The following MCCC2 variants were observed in gnomAD, a reference collection of about 807,000 sequenced individuals.
MCCC2 encodes methylcrotonoyl-CoA carboxylase beta chain, mitochondrial.
MCCC2 carries 52 observed loss-of-function variants against 77.2 expected under a neutral mutation model. That is an observed-to-expected ratio of 0.67 (90% CI 0.54 to 0.85). The LOEUF (loss-of-function observed/expected upper bound fraction) is 0.85. Ranked by LOEUF, MCCC2 falls within the 40% of genes least tolerant of loss-of-function variation. The pLI is 0.00. For missense variants in MCCC2, 682 were observed against 703.2 expected, an observed-to-expected ratio of 0.97 and a Z score of 0.34; for synonymous variants, 253 against 248.4, an observed-to-expected ratio of 1.02 and a Z score of -0.18.
intron 8 of MCCC2, among the ~76,000 whole-genome samples, chr5:71,633,186 ACTC>A (rs1746802057): frequency 1.4e-5 from 2 of 138,732 alleles, no homozygotes; most frequent in South Asian, 4.5e-4. Flanking sequence ...TTGGTTTAAA[ACTC>A]CTTGCCTCAA....
intron 12 of MCCC2, 103 bp from the exon 13 acceptor site, chr5:71,646,108 G>A (rs2112463488): frequency 1.0e-6 from 1 of 962,124 alleles, no homozygotes; most frequent in Non-Finnish European, 1.6e-6. Context: ...TTAAAGGGGA[G>A]TATTCTTTCT....
At position 71,607,092 on chromosome 5, in the gene MCCC2, A is replaced by C. The variant is rs933698606; in HGVS notation, c.624+2624A>C. On this transcript the variant is annotated intron_variant, in intron 6 of 16. Coordinates refer to ENST00000340941, the MANE Select transcript of MCCC2 (RefSeq NM_022132.5). ...GTATCAGAATGATGCTGGCCTCATA[A>C]AATGAGTTAGGGAGGATTCCCTCTT... Among the ~76,000 whole-genome samples, 377 of 152,016 alleles carry C rather than the reference A, an allele frequency of 2.5e-3. 2 individuals are homozygous for C. Among genetic ancestry groups the C allele is most frequent in the African/African-American group, 8.1e-3 (337 of 41,468 alleles).
chr5:71,640,001 A>G (rs527582911), intron 10 of MCCC2, among the ~76,000 whole-genome samples: 5 of 152,368 alleles, frequency 3.3e-5, no homozygotes, highest in Non-Finnish European at 5.9e-5. Context: ...CAAACTATGT[A>G]GAAAAATAGT....
chr5:71,596,648 A>T (rs1047728784), intron 3 of MCCC2, among the ~76,000 whole-genome samples: 2 of 152,148 alleles, frequency 1.3e-5, no homozygotes, highest in Non-Finnish European at 2.9e-5. Context: ...AACAGTAAAG[A>T]CTGTAACTTC....
At chr5:71,593,113 A>C in intron 2 of MCCC2, 121 bp downstream of exon 2, 1 of 818,168 alleles carries the variant, frequency 1.2e-6, no homozygotes, top group Non-Finnish European at 2.0e-6. Flanking sequence ...TTTGAGATGG[A>C]GTCTTGCTCT....
chr5:71,610,444 C>T, intron 6 of MCCC2, among the ~76,000 whole-genome samples: 2 of 152,148 alleles, frequency 1.3e-5, no homozygotes, highest in South Asian at 2.1e-4. Flanking sequence ...GGTGCGCGCA[C>T]CCACTGACCT....
Position 71,658,666 on chromosome 5 carries a change from A to G in MCCC2, c.*1806A>G, listed in dbSNP as rs1361432307. On this transcript the variant is annotated 3_prime_UTR_variant, in exon 17 of 17. Coordinates refer to ENST00000340941, the MANE Select transcript of MCCC2 (RefSeq NM_022132.5). ...GGTGATTGATTATATGACCGAATAGAACTATCAAATGTTTTCCTAATAAAG... is the reference window on the plus strand; with the variant it reads ...GGTGATTGATTATATGACCGAATAGGACTATCAAATGTTTTCCTAATAAAG... 6.6e-6 allele frequency: 1 copy of G among 152,230 alleles called. No homozygotes were observed. The highest frequency in any genetic ancestry group is 1.9e-4 in the East Asian group (1 of 5,194). The allele number at this position is 152,230 out of a possible 1,614,324, so 9.4% of individuals were successfully genotyped here. A position where few individuals can be genotyped will look rare whatever the true frequency, so the allele number is the denominator to read the frequency against.
At position 71,649,184 on chromosome 5, in the gene MCCC2, C is replaced by A; in HGVS notation, c.1304C>A (p.Pro435His). ...GCCGCTGTGGCCTGTGCCCAAGTGC[C>A]TAAGATAACCCTCATCATTGGGGGC... The part of the protein sequence containing the change: ...MVAAVACAQV[P>H]KITLIIGGSY... The change falls in exon 14 of 17, where the codon CCT becomes CAT. Residue 435 changes from proline to histidine, a missense_variant. Coordinates refer to ENST00000340941, the MANE Select transcript of MCCC2 (RefSeq NM_022132.5). 1.2e-6 allele frequency: 2 copies of A among 1,614,202 alleles called. No individual in the cohort carries two copies. The highest frequency in any genetic ancestry group is 1.7e-6 in the Non-Finnish European group (2 of 1,180,034).
At chr5:71,600,368 C>T (rs1745377123) in intron 4 of MCCC2, among the ~76,000 whole-genome samples, 1 of 151,634 alleles carries the variant, frequency 6.6e-6, no homozygotes. Context: ...CGCTCTGTTG[C>T]CTAGGCTAAT....
chr5:71,622,706 A>G (rs554513214), intron 6 of MCCC2, among the ~76,000 whole-genome samples: 65 of 152,156 alleles, frequency 4.3e-4, no homozygotes, highest in Non-Finnish European at 7.8e-4. Flanking sequence ...TTCACTTAAC[A>G]TAATGGTTTC....
chr5:71,646,077 TTAA>T (rs1468359411), intron 12 of MCCC2, 131 bp from the exon 13 acceptor site: 3 of 602,812 alleles, frequency 5.0e-6, no homozygotes, highest in Non-Finnish European at 5.5e-6. Flanking sequence ...AAAAAAAAAA[TTAA>T]TAAGAAGAGA....
At chr5:71,590,716 G>A (rs1744939507) in intron 1 of MCCC2, among the ~76,000 whole-genome samples, 1 of 152,040 alleles carries the variant, frequency 6.6e-6, no homozygotes, top group Admixed American at 6.6e-5. Context: ...ACTTGGGAGT[G>A]TGAGGCAGGA....
intron 6 of MCCC2, among the ~76,000 whole-genome samples, chr5:71,608,928 G>A (rs1318783909): frequency 3.9e-5 from 6 of 152,228 alleles, no homozygotes; most frequent in East Asian, 1.9e-4. Context: ...GGTTTCTGCC[G>A]AGAGATCCGC....
At chr5:71,618,098 C>G (rs932130867) in intron 6 of MCCC2, among the ~76,000 whole-genome samples, 3 of 152,080 alleles carry the variant, frequency 2.0e-5, no homozygotes, top group African/African-American at 7.2e-5. Flanking sequence ...TTCTCTGGGC[C>G]TTCTCCATAT....
chr5:71,628,059 G>T (rs559253010), intron 7 of MCCC2, among the ~76,000 whole-genome samples: 1 of 152,210 alleles, frequency 6.6e-6, no homozygotes, highest in African/African-American at 2.4e-5. Flanking sequence ...GGCCAGGCTG[G>T]TTTTGAACTC....
chr5:71,637,386 A>G (rs1746967825), intron 10 of MCCC2, among the ~76,000 whole-genome samples: 1 of 152,258 alleles, frequency 6.6e-6, no homozygotes, highest in African/African-American at 2.4e-5. Context: ...TCCAGAGCAT[A>G]TAAAAGTTAT....
At chr5:71,603,677 T>C (rs1349834882) in intron 5 of MCCC2, among the ~76,000 whole-genome samples, 2 of 152,192 alleles carry the variant, frequency 1.3e-5, no homozygotes, top group South Asian at 2.1e-4. Flanking sequence ...GTGAGGAGGA[T>C]TTTGTTGTCT....
intron 7 of MCCC2, among the ~76,000 whole-genome samples, chr5:71,631,631 C>T (rs2112425980): frequency 6.6e-6 from 1 of 150,966 alleles, no homozygotes; most frequent in Admixed American, 6.6e-5. Flanking sequence ...AGCTCCGCTT[C>T]CCGGGTTCAC....
chr5:71,632,075 A>C, intron 7 of MCCC2, 46 bp from the exon 8 acceptor site: 1 of 1,562,416 alleles, frequency 6.4e-7, no homozygotes, highest in African/African-American at 1.4e-5. Context: ...GCATTTTTAT[A>C]TGTCTGATGG....
Sources: allele counts gnomAD v4.1 joint callset (sites outside exome capture counted in the v4.1 genomes callset), GRCh38; gene constraint gnomAD v4.1.1; transcripts MANE v1.5; gene names NCBI Gene and HGNC (gene_info 2026-07-23, HGNC 2026-07-21).